MARCHF1: variants seen among roughly 807,000 people sequenced by gnomAD.
MARCHF1 encodes E3 ubiquitin-protein ligase MARCHF1.
A neutral mutation model predicts 54.2 loss-of-function variants in MARCHF1; 40 were observed. The ratio of observed to expected loss-of-function variants is 0.74; its 90% confidence interval spans 0.57 to 0.96. The LOEUF is 0.96. MARCHF1 is among the 40% of genes least tolerant of loss of function. The pLI, the probability that MARCHF1 is intolerant of heterozygous loss-of-function variation, is 0.00. For synonymous variants in MARCHF1, 236 were observed against 236.3 expected, an observed-to-expected ratio of 1.00 and a Z score of 0.01; for missense variants, 586 against 656.5, an observed-to-expected ratio of 0.89 and a Z score of 1.17.
intron 4 of MARCHF1, among the ~76,000 whole-genome samples, chr4:163,753,262 CTAT>C (rs971443168): frequency 6.6e-6 from 1 of 150,688 alleles, no homozygotes; most frequent in Non-Finnish European, 1.5e-5. Context: ...GCTTTTTTTT[CTAT>C]TATTATTATT....
At chr4:163,649,756 T>C (rs1742899324) in intron 5 of MARCHF1, among the ~76,000 whole-genome samples, 1 of 151,616 alleles carries the variant, frequency 6.6e-6, no homozygotes, top group African/African-American at 2.4e-5. Context: ...TCCTTGTTCA[T>C]GCCTGGTTCT....
intron 3 of MARCHF1, among the ~76,000 whole-genome samples, chr4:163,956,671 C>T (rs1579420603): frequency 1.3e-5 from 2 of 152,154 alleles, no homozygotes. Context: ...GTAAACAACA[C>T]AGTTTATGTG....
At chr4:164,109,312 G>A (rs905360279) in intron 2 of MARCHF1, among the ~76,000 whole-genome samples, 1 of 151,958 alleles carries the variant, frequency 6.6e-6, no homozygotes, top group Non-Finnish European at 1.5e-5. Flanking sequence ...TCTCTCAAAA[G>A]AAGGGATTTT....
chr4:164,240,346 C>A (rs550401591), intron 1 of MARCHF1, among the ~76,000 whole-genome samples: 2 of 152,180 alleles, frequency 1.3e-5, no homozygotes, highest in Non-Finnish European at 2.9e-5. Context: ...TTTGGAATAA[C>A]CTTAGCCATC....
intron 1 of MARCHF1, among the ~76,000 whole-genome samples, chr4:164,378,856 C>T (rs1282144319): frequency 6.6e-6 from 1 of 152,094 alleles, no homozygotes; most frequent in Non-Finnish European, 1.5e-5. Flanking sequence ...GGATTACAGG[C>T]ACCTGCCACC....
At chr4:163,880,932 A>T (rs1750402166) in intron 3 of MARCHF1, among the ~76,000 whole-genome samples, 1 of 152,178 alleles carries the variant, frequency 6.6e-6, no homozygotes, top group African/African-American at 2.4e-5. Flanking sequence ...TACCCATGTC[A>T]GTTGAGTACC....
chr4:163,877,377 T>A (rs1424052169), intron 3 of MARCHF1, among the ~76,000 whole-genome samples: 1 of 152,088 alleles, frequency 6.6e-6, no homozygotes, highest in African/African-American at 2.4e-5. Flanking sequence ...CAGAATTAAC[T>A]GAAGAGCTCT....
chr4:163,926,947 T>G (rs1751551027), intron 3 of MARCHF1, among the ~76,000 whole-genome samples: 2 of 151,588 alleles, frequency 1.3e-5, no homozygotes, highest in Admixed American at 6.6e-5. Context: ...CAGCTAAATA[T>G]TAATAGAACT....
intron 4 of MARCHF1, among the ~76,000 whole-genome samples, chr4:163,849,364 C>CA (rs11440379): frequency 0.85 from 128,736 of 152,112 alleles, 56,075 homozygotes; most frequent in Non-Finnish European, 0.97. Flanking sequence ...CAGCCACCAT[C>CA]ATTATTATCA....
intron 4 of MARCHF1, among the ~76,000 whole-genome samples, chr4:163,835,347 A>T (rs1749151896): frequency 6.6e-6 from 1 of 152,200 alleles, no homozygotes; most frequent in Admixed American, 6.5e-5. Context: ...CAGACAGATG[A>T]GTTTCAAATC....
chr4:164,229,572 C>A (rs1732356358), intron 1 of MARCHF1, among the ~76,000 whole-genome samples: 1 of 152,078 alleles, frequency 6.6e-6, no homozygotes, highest in Non-Finnish European at 1.5e-5. Flanking sequence ...GTGAGTTAGT[C>A]CTTTCCCACA....
chr4:163,675,128 A>G (rs1743870212), intron 5 of MARCHF1, among the ~76,000 whole-genome samples: 1 of 152,240 alleles, frequency 6.6e-6, no homozygotes, highest in African/African-American at 2.4e-5. Flanking sequence ...AAAGACAATG[A>G]GAATATTCCA....
chr4:164,186,480 T>C (rs1360800599), intron 1 of MARCHF1, among the ~76,000 whole-genome samples: 2 of 152,240 alleles, frequency 1.3e-5, no homozygotes, highest in East Asian at 3.8e-4. Flanking sequence ...ATGCACTCTA[T>C]GAGCCAGTGC....
intron 1 of MARCHF1, among the ~76,000 whole-genome samples, chr4:164,271,946 G>A (rs1397472409): frequency 2.6e-5 from 4 of 151,446 alleles, no homozygotes; most frequent in South Asian, 2.1e-4. Context: ...AAAAATCAAC[G>A]GAAAAATAAG....
chr4:163,751,749 C>T (rs747625915), intron 4 of MARCHF1, among the ~76,000 whole-genome samples: 5 of 151,990 alleles, frequency 3.3e-5, no homozygotes, highest in Admixed American at 6.6e-5. Context: ...GATGTCACTT[C>T]TCCTCAAGTA....
At chr4:163,617,544 CTTCA>C (rs1741554398) in intron 5 of MARCHF1, among the ~76,000 whole-genome samples, 1 of 151,692 alleles carries the variant, frequency 6.6e-6, no homozygotes, top group East Asian at 1.9e-4. Flanking sequence ...TAAAACCTCA[CTTCA>C]TTCAAGTTTT....
intron 3 of MARCHF1, among the ~76,000 whole-genome samples, chr4:163,961,731 G>A (rs1329200461): frequency 3.3e-5 from 5 of 151,900 alleles, no homozygotes; most frequent in Admixed American, 2.0e-4. Context: ...TCTCTTTGAC[G>A]CCTTTTTCCC....
intron 1 of MARCHF1, among the ~76,000 whole-genome samples, chr4:164,122,437 C>T (rs1756087986): frequency 6.6e-6 from 1 of 152,014 alleles, no homozygotes. Flanking sequence ...GCCGCATGTA[C>T]AGTAAGGAGC....
intron 2 of MARCHF1, among the ~76,000 whole-genome samples, chr4:164,002,311 T>C (rs1753200754): frequency 6.6e-6 from 1 of 151,608 alleles, no homozygotes; most frequent in Non-Finnish European, 1.5e-5. Context: ...CAAGCAGTTA[T>C]AACAGCTATT....
Sources: gnomAD v4.1 joint callset for allele counts (sites outside exome capture counted in the v4.1 genomes callset) on GRCh38, gnomAD v4.1.1 for gene constraint, MANE v1.5 for transcripts, NCBI Gene and HGNC (gene_info 2026-07-23, HGNC 2026-07-21) for gene names.